Variants in WWTR1 observed in about 807,000 individuals in gnomAD.
WWTR1 encodes WW domain-containing transcription regulator protein 1.
Under a neutral mutation model 40.1 loss-of-function variants are expected in WWTR1, and 13 were observed. That is an observed-to-expected ratio of 0.32 (90% CI 0.21 to 0.52). The LOEUF is 0.52. Among genes scored for constraint, WWTR1 ranks in the 20% least tolerant of loss-of-function variants. The pLI, the probability that WWTR1 is intolerant of heterozygous loss-of-function variation, is 0.97. For missense variants in WWTR1, 436 were observed against 523.1 expected (o/e 0.83, Z 1.63); for synonymous variants, 230 against 210.1 (o/e 1.09, Z -0.82).
chr3:149,604,609 T>G (rs1335769982), intron 2 of WWTR1, among the ~76,000 whole-genome samples: 1 of 152,200 alleles, frequency 6.6e-6, no homozygotes, highest in Non-Finnish European at 1.5e-5. Flanking sequence ...CCTAGTCCCC[T>G]AGCCCAGCCC....
intron 5 of WWTR1, 34 bp from the exon 6 acceptor site, chr3:149,526,159 A>C (rs369169569): frequency 3.4e-6 from 5 of 1,475,854 alleles, no homozygotes; most frequent in Non-Finnish European, 4.6e-6. Flanking sequence ...CTTCAATATG[A>C]GCCCACTAAA....
chr3:149,693,790 T>A (rs1714895618), intron 1 of WWTR1, among the ~76,000 whole-genome samples: 1 of 152,036 alleles, frequency 6.6e-6, no homozygotes, highest in Non-Finnish European at 1.5e-5. Flanking sequence ...TGGATATCCA[T>A]CTGTGGAATA....
At chr3:149,637,191 C>G (rs919245772) in intron 2 of WWTR1, among the ~76,000 whole-genome samples, 1 of 151,556 alleles carries the variant, frequency 6.6e-6, no homozygotes, top group Non-Finnish European at 1.5e-5. Context: ...CTGTGACCAC[C>G]CAGTCACATT....
At chr3:149,626,734 T>G (rs892392248) in intron 2 of WWTR1, among the ~76,000 whole-genome samples, 1 of 152,092 alleles carries the variant, frequency 6.6e-6, no homozygotes, top group Non-Finnish European at 1.5e-5. Context: ...ATATTGAATG[T>G]GTAGGCACAT....
At chr3:149,591,756 T>G (rs562845934) in intron 2 of WWTR1, among the ~76,000 whole-genome samples, 1 of 152,334 alleles carries the variant, frequency 6.6e-6, no homozygotes, top group East Asian at 1.9e-4. Flanking sequence ...GGGTTAGGAA[T>G]TGTAGTCATT....
At chr3:149,655,093 T>G (rs1713124954) in intron 2 of WWTR1, among the ~76,000 whole-genome samples, 1 of 148,164 alleles carries the variant, frequency 6.7e-6, no homozygotes, top group African/African-American at 2.5e-5. Flanking sequence ...GCCACTGCAC[T>G]CCAGCCTGGG....
intron 2 of WWTR1, among the ~76,000 whole-genome samples, chr3:149,579,835 A>G (rs1246890591): frequency 6.6e-6 from 1 of 152,232 alleles, no homozygotes; most frequent in Non-Finnish European, 1.5e-5. Context: ...AATTTGCTAA[A>G]TGAAACAGCT....
chr3:149,588,375 A>G (rs991245692), intron 2 of WWTR1, among the ~76,000 whole-genome samples: 4 of 152,250 alleles, frequency 2.6e-5, no homozygotes, highest in African/African-American at 9.6e-5. Context: ...AGAGAAATAA[A>G]TGATCTCATT....
At chr3:149,605,198 C>T (rs6792909) in intron 2 of WWTR1, among the ~76,000 whole-genome samples, 3,713 of 152,266 alleles carry the variant, frequency 0.024, 129 homozygotes, top group African/African-American at 0.08. Flanking sequence ...AAATGCCAAA[C>T]GAGGAGCTTC....
At chr3:149,648,415 A>G (rs1297251256) in intron 2 of WWTR1, among the ~76,000 whole-genome samples, 1 of 152,188 alleles carries the variant, frequency 6.6e-6, no homozygotes, top group Admixed American at 6.5e-5. Flanking sequence ...CAGTGCAGTA[A>G]AAAAAGGAAA....
At chr3:149,690,777 G>A (rs1041586238) in intron 1 of WWTR1, among the ~76,000 whole-genome samples, 1 of 152,162 alleles carries the variant, frequency 6.6e-6, no homozygotes, top group Admixed American at 6.5e-5. Flanking sequence ...CCTAGTAGAT[G>A]TTTACAAAAC....
chr3:149,622,517 G>GA (rs370514473), intron 2 of WWTR1, among the ~76,000 whole-genome samples: 22 of 143,094 alleles, frequency 1.5e-4, no homozygotes, highest in African/African-American at 5.5e-4. Context: ...AAGAAAGAAA[G>GA]AAAGAAAGAA....
chr3:149,594,742 A>ACAC (rs1490865593), intron 2 of WWTR1, among the ~76,000 whole-genome samples: 1 of 151,732 alleles, frequency 6.6e-6, no homozygotes, highest in Non-Finnish European at 1.5e-5. Context: ...CACACCACAC[A>ACAC]CACACACACA....
chr3:149,642,440 A>G (rs1712226195), intron 2 of WWTR1, among the ~76,000 whole-genome samples: 1 of 149,200 alleles, frequency 6.7e-6, no homozygotes, highest in Admixed American at 6.7e-5. Flanking sequence ...CACACACACG[A>G]AAGTACGAAT....
chr3:149,538,306 A>T (rs1157762475), intron 4 of WWTR1, among the ~76,000 whole-genome samples: 1 of 152,256 alleles, frequency 6.6e-6, no homozygotes, highest in Non-Finnish European at 1.5e-5. Flanking sequence ...CAAAACTTCA[A>T]TAAGAATTGC....
At chr3:149,597,228 A>G (rs1390600264) in intron 2 of WWTR1, among the ~76,000 whole-genome samples, 1 of 152,168 alleles carries the variant, frequency 6.6e-6, no homozygotes, top group Non-Finnish European at 1.5e-5. Flanking sequence ...CCTCTGTCGT[A>G]TGCTGACAAC....
intron 2 of WWTR1, among the ~76,000 whole-genome samples, chr3:149,598,993 A>G (rs1398252421): frequency 6.6e-6 from 1 of 152,234 alleles, no homozygotes; most frequent in Admixed American, 6.5e-5. Context: ...AATTTTAATG[A>G]TATTTGCACT....
intron 1 of WWTR1, among the ~76,000 whole-genome samples, chr3:149,696,383 C>T (rs1303178730): frequency 1.3e-5 from 2 of 152,152 alleles, no homozygotes; most frequent in Non-Finnish European, 2.9e-5. Flanking sequence ...GGGAACTACA[C>T]TACAACCAAC....
Position 149,518,950 on chromosome 3 carries a change from T to A in WWTR1, c.*1855A>T, listed in dbSNP as rs1464738319. 1 of 151,944 alleles carries A rather than the reference T, an allele frequency of 6.6e-6. No individual in the cohort carries two copies. 9.4% of individuals were successfully genotyped at this position (151,944 alleles called of 1,614,324 possible). On this transcript the variant is annotated 3_prime_UTR_variant, in exon 7 of 7. Coordinates refer to ENST00000360632, the MANE Select transcript of WWTR1 (RefSeq NM_015472.6). ...CTACTTCATCTCTGACCTTTTCACT[T>A]GCCTTCTTTCCAACATGATCCAATG...
Sources: allele counts gnomAD v4.1 joint callset (sites outside exome capture counted in the v4.1 genomes callset), GRCh38; gene constraint gnomAD v4.1.1; transcripts MANE v1.5; gene names NCBI Gene and HGNC (gene_info 2026-07-23, HGNC 2026-07-21).